LMTK2: variants seen among roughly 807,000 people sequenced by gnomAD.
LMTK2 encodes the protein serine/threonine-protein kinase LMTK2.
Under a neutral mutation model 127.5 loss-of-function variants are expected in LMTK2, and 37 were observed. The ratio of observed to expected loss-of-function variants is 0.29; its 90% CI spans 0.22 to 0.38. LMTK2 has a LOEUF of 0.38. Among genes scored for constraint, LMTK2 ranks in the 10% least tolerant of loss-of-function variants. The probability of loss-of-function intolerance (pLI) is 1.00; values close to 1 mark genes in which losing one functional copy is unlikely to be tolerated. For missense variants in LMTK2, 1,694 were observed against 1,920.3 expected, an observed-to-expected ratio of 0.88 and a Z score of 2.20; for synonymous variants, 819 against 810.1, an observed-to-expected ratio of 1.01 and a Z score of -0.19.
chr7:98,134,029 T>A (rs1356253093), intron 1 of LMTK2, among the ~76,000 whole-genome samples: 1 of 152,208 alleles, frequency 6.6e-6, no homozygotes, highest in African/African-American at 2.4e-5. Flanking sequence ...GGGCTGTTTT[T>A]AAGTGTTAAA....
At position 98,194,362 on chromosome 7, in the gene LMTK2, G is replaced by A; in HGVS notation, c.3897G>A (p.Arg1299=). ...GCGACGACTCGGACGAGGACCTGCG[G>A]GCCTTCAACCTGCATAGCCTCAGCT... ...ENSDDSDEDL[R]AFNLHSLSSE... Residue 1299 remains arginine, a synonymous_variant, in exon 11 of 14, where the codon CGG becomes CGA. Coordinates refer to ENST00000297293, the MANE Select transcript of LMTK2 (RefSeq NM_014916.4). This position sits in a 1 kb window ranked among gnomAD's most constrained non-coding sequence, Gnocchi z 5.4. The A allele has an allele frequency of 6.2e-7, 1 of 1,614,170 alleles. No homozygotes were observed. The highest frequency in any genetic ancestry group is 8.5e-7 in the Non-Finnish European group (1 of 1,180,036).
chr7:98,192,499 G>A lies in LMTK2; in HGVS notation c.2034G>A (p.Glu678=), dbSNP rs1797546013. 1.9e-6 allele frequency: 3 copies of A among 1,611,620 alleles called. No individual in the cohort carries two copies. The highest frequency in any genetic ancestry group is 2.5e-6 in the Non-Finnish European group (3 of 1,179,494). Residue 678 remains glutamate (E), a synonymous_variant, in exon 11 of 14, where the codon GAG becomes GAA. Coordinates refer to ENST00000297293, the MANE Select transcript of LMTK2 (RefSeq NM_014916.4). ...GTTCCAGTTTGGATAACCCCAAAGAGTCAGTCATAACAGGCCACTTTGAGA... is the reference window on the plus strand; with the variant it reads ...GTTCCAGTTTGGATAACCCCAAAGAATCAGTCATAACAGGCCACTTTGAGA... ...TLSSSLDNPK[E]SVITGHFEKE...
Position 98,194,533 on chromosome 7 carries a change from C to G in LMTK2, c.4068C>G (p.Val1356=). The change falls in exon 11 of 14, where the codon GTC becomes GTG. Residue 1356 remains valine, a synonymous_variant. Coordinates refer to ENST00000297293, the MANE Select transcript of LMTK2 (RefSeq NM_014916.4). The surrounding 1 kb of genome is among the most constrained non-coding windows in gnomAD (Gnocchi z 5.4). Reference sequence around the variant, plus strand: ...ACTGGAAGAAGGAAAAGAAGGCAGTCACGTTTTTCGATGATGTCACAGTCT... The same window carrying G: ...ACTGGAAGAAGGAAAAGAAGGCAGTGACGTTTTTCGATGATGTCACAGTCT... ...PEDWKKEKKA[V]TFFDDVTVYL... 6.2e-7 allele frequency: 1 copy of G among 1,610,484 alleles called. No homozygotes were observed. The highest frequency in any genetic ancestry group is 1.3e-5 in the African/African-American group (1 of 75,068).
chr7:98,173,306 G>GTT (rs34546502), intron 7 of LMTK2, among the ~76,000 whole-genome samples: 1 of 142,656 alleles, frequency 7.0e-6, no homozygotes. Flanking sequence ...CTGGTAAAGT[G>GTT]TTTTTTTTTT....
Position 98,107,209 on chromosome 7 carries a change from T to C in LMTK2, c.32T>C (p.Leu11Pro). Reference protein sequence around the residue: MPGPPALRRRLLLLLLVLLIA... With the variant: MPGPPALRRRPLLLLLVLLIA... The stretch of plus-strand genomic sequence containing the variant: ...GGGCCGCCGGCGTTGCGGCGGAGGC[T>C]GCTGCTGCTGCTGCTGGTCCTCCTG... Residue 11 changes from leucine (L) to proline (P), a missense_variant, in exon 1 of 14, where the codon CTG becomes CCG. Around this residue, in one of 8 missense-constraint regions of LMTK2, gnomAD observed 76 missense variants for 82.0 expected, o/e 0.93. Transcript: ENST00000297293. The C allele has an allele frequency of 3.1e-6, 4 of 1,294,534 alleles. No homozygotes were observed. The highest frequency in any genetic ancestry group is 3.5e-5 in the South Asian group (2 of 56,848). 80.2% of individuals were successfully genotyped at this position (1,294,534 alleles called of 1,614,324 possible).
At chr7:98,116,030 G>A (rs191120495) in intron 1 of LMTK2, among the ~76,000 whole-genome samples, 4 of 152,082 alleles carry the variant, frequency 2.6e-5, no homozygotes, top group Admixed American at 6.5e-5. Context: ...GACTATAGGC[G>A]CATGTAACCA....
In LMTK2 at chr7:98,205,790, TC is replaced by T; in HGVS notation, c.*300del. 1 of 517,594 alleles carries T rather than the reference TC, an allele frequency of 1.9e-6. No individual in the cohort carries two copies. Among genetic ancestry groups the T allele is most frequent in the East Asian group, 3.3e-5 (1 of 30,698 alleles). 32.1% of individuals were successfully genotyped at this position (517,594 alleles called of 1,614,324 possible). A position where few individuals can be genotyped will look rare whatever the true frequency, so the allele number is the denominator to read the frequency against. On this transcript the variant is annotated 3_prime_UTR_variant, in exon 14 of 14. Coordinates refer to ENST00000297293, the MANE Select transcript of LMTK2 (RefSeq NM_014916.4). The stretch of plus-strand genomic sequence containing the variant: ...CGTCGGGGGAGGCAGGGGCACAGCC[TC>T]CATGTGCGCGCGCGTGTGGAGCTGT...
At chr7:98,131,361 C>T (rs1796517720) in intron 1 of LMTK2, among the ~76,000 whole-genome samples, 2 of 152,112 alleles carry the variant, frequency 1.3e-5, no homozygotes, top group African/African-American at 2.4e-5. Context: ...TAATGTTTGC[C>T]ACTCTCCCTC....
intron 1 of LMTK2, among the ~76,000 whole-genome samples, chr7:98,119,551 A>G (rs1222468609): frequency 1.3e-5 from 2 of 152,172 alleles, no homozygotes; most frequent in African/African-American, 2.4e-5. Context: ...AGATGTCTGT[A>G]TGAATAATAG....
At chr7:98,145,529 G>A (rs1796760007) in intron 3 of LMTK2, among the ~76,000 whole-genome samples, 1 of 152,074 alleles carries the variant, frequency 6.6e-6, no homozygotes, top group Admixed American at 6.5e-5. Context: ...TTTGAGGATG[G>A]TGTTAGGAGG....
At chr7:98,189,223 G>A (rs989686012) in intron 9 of LMTK2, among the ~76,000 whole-genome samples, 3 of 152,144 alleles carry the variant, frequency 2.0e-5, no homozygotes, top group Admixed American at 6.5e-5. Context: ...GGTCCACAGT[G>A]AGATCCTCTT....
intron 3 of LMTK2, among the ~76,000 whole-genome samples, chr7:98,150,343 A>AAGATTGCAT (rs1183075152): frequency 6.6e-6 from 1 of 151,934 alleles, no homozygotes; most frequent in African/African-American, 2.4e-5. Context: ...AAACTAAAAT[A>AAGATTGCAT]AGATTGCATA....
At chr7:98,174,772 G>T (rs1430674541) in intron 7 of LMTK2, among the ~76,000 whole-genome samples, 1 of 152,194 alleles carries the variant, frequency 6.6e-6, no homozygotes, top group Admixed American at 6.5e-5. Flanking sequence ...AGTGTGTAGC[G>T]AACTTCCACA....
intron 1 of LMTK2, among the ~76,000 whole-genome samples, chr7:98,112,977 C>T (rs1796224708): frequency 6.6e-6 from 1 of 152,176 alleles, no homozygotes; most frequent in African/African-American, 2.4e-5. Context: ...CTGCCTCAGC[C>T]TCCTGAGTAG....
chr7:98,140,104 TTC>T (rs1796656151), intron 2 of LMTK2, among the ~76,000 whole-genome samples: 1 of 2,676 alleles, frequency 3.7e-4, no homozygotes, highest in African/African-American at 1.2e-3. Flanking sequence ...CTTTCTTTCT[TTC>T]TTTCTTTCTT....
Position 98,107,116 on chromosome 7 carries a change from C to G in LMTK2, c.-62C>G. On this transcript the variant is annotated 5_prime_UTR_variant, in exon 1 of 14. Coordinates refer to ENST00000297293, the MANE Select transcript of LMTK2 (RefSeq NM_014916.4). ...GAGGGAGGCAGGATCGACTGACGGG[C>G]GAACGGACGGACGGACGGAAGGCGA... 3 of 1,277,112 alleles carry G rather than the reference C, an allele frequency of 2.3e-6. No homozygotes were observed. The highest frequency in any genetic ancestry group is 3.1e-6 in the Non-Finnish European group (3 of 980,330). The allele number at this position is 1,277,112 out of a possible 1,614,324, so 79.1% of individuals were successfully genotyped here. A position where few individuals can be genotyped will look rare whatever the true frequency, so the allele number is the denominator to read the frequency against.
At chr7:98,180,319 A>G (rs896087642) in intron 7 of LMTK2, among the ~76,000 whole-genome samples, 2 of 152,252 alleles carry the variant, frequency 1.3e-5, no homozygotes, top group African/African-American at 4.8e-5. Context: ...TACATTTTGC[A>G]CTATGGAAAT....
chr7:98,145,790 G>A (rs1408968347), intron 3 of LMTK2, among the ~76,000 whole-genome samples: 10 of 152,004 alleles, frequency 6.6e-5, no homozygotes, highest in South Asian at 2.1e-4. Context: ...GTCCTTTGAC[G>A]CATAAAACTT....
intron 9 of LMTK2, among the ~76,000 whole-genome samples, chr7:98,189,213 G>A (rs905890933): frequency 6.6e-6 from 1 of 152,080 alleles, no homozygotes; most frequent in Non-Finnish European, 1.5e-5. Flanking sequence ...AGGATGTAGG[G>A]GTCCACAGTG....
Sources: gnomAD v4.1 joint callset for allele counts (sites outside exome capture counted in the v4.1 genomes callset) on GRCh38, gnomAD v4.1.1 for gene constraint, gnomAD v4.1.1 regional missense constraint, Gnocchi (gnomAD v3.1) non-coding constraint, MANE v1.5 for transcripts, NCBI Gene and HGNC (gene_info 2026-07-23, HGNC 2026-07-21) for gene names.